The following PDE4D variants were observed in gnomAD, a reference collection of about 807,000 sequenced individuals.
The protein encoded by PDE4D is phosphodiesterase 4D, also known as 3',5'-cyclic-AMP phosphodiesterase 4D.
A neutral mutation model predicts 87.4 loss-of-function variants in PDE4D; 24 were observed. That is an observed-to-expected ratio of 0.27 (90% confidence interval 0.20 to 0.39). The LOEUF is 0.39. Among genes scored for constraint, PDE4D ranks in the 10% least tolerant of loss-of-function variants. The pLI, the probability that PDE4D is intolerant of heterozygous loss-of-function variation, is 1.00. For synonymous variants in PDE4D, 384 were observed against 383.2 expected (o/e 1.00, Z -0.02); for missense variants, 714 against 1,041.0 (o/e 0.69, Z 4.32).
intron 1 of PDE4D, among the ~76,000 whole-genome samples, chr5:59,253,328 AT>A (rs1290699639): frequency 6.6e-6 from 1 of 152,194 alleles, no homozygotes; most frequent in East Asian, 1.9e-4. Flanking sequence ...ATATCTTTAT[AT>A]ATAAACAAAA....
intron 6 of PDE4D, among the ~76,000 whole-genome samples, chr5:59,031,181 A>G (rs1347654936): frequency 6.6e-6 from 1 of 151,974 alleles, no homozygotes; most frequent in Non-Finnish European, 1.5e-5. Flanking sequence ...AGGTTCCTCA[A>G]AAATCTAAAA....
At chr5:59,073,435 CA>C (rs1388206905) in intron 5 of PDE4D, among the ~76,000 whole-genome samples, 2 of 121,782 alleles carry the variant, frequency 1.6e-5, no homozygotes, top group Non-Finnish European at 3.1e-5. Context: ...ATGGCAGGTA[CA>C]AAAATGTGTA....
chr5:59,602,355 C>T (rs893608511), intron 1 of PDE4D, among the ~76,000 whole-genome samples: 1 of 151,906 alleles, frequency 6.6e-6, no homozygotes, highest in Admixed American at 6.6e-5. Context: ...CTTTAAGATC[C>T]AGAGCAAGAA....
chr5:59,287,817 T>A (rs2153553468), intron 1 of PDE4D, among the ~76,000 whole-genome samples: 1 of 152,218 alleles, frequency 6.6e-6, no homozygotes, highest in Non-Finnish European at 1.5e-5. Flanking sequence ...AGTCTCTGCC[T>A]GGTAATCCAG....
chr5:59,440,777 G>GA (rs921404634), intron 1 of PDE4D, among the ~76,000 whole-genome samples: 27 of 149,818 alleles, frequency 1.8e-4, no homozygotes, highest in Non-Finnish European at 3.1e-4. Flanking sequence ...ACTCCATCTT[G>GA]AAAAAAAAAA....
intron 1 of PDE4D, among the ~76,000 whole-genome samples, chr5:60,330,460 C>A (rs915847960): frequency 2.0e-5 from 3 of 152,148 alleles, no homozygotes; most frequent in African/African-American, 7.2e-5. Flanking sequence ...TTTCTGCCAA[C>A]AGCAGAGAAT....
chr5:60,114,624 T>C (rs1777973809), intron 2 of PDE4D, among the ~76,000 whole-genome samples: 1 of 152,060 alleles, frequency 6.6e-6, no homozygotes, highest in African/African-American at 2.4e-5. Context: ...AAATGATTCA[T>C]TCCACAAGTT....
chr5:59,258,276 C>T (rs1468566828), intron 1 of PDE4D, among the ~76,000 whole-genome samples: 19 of 151,930 alleles, frequency 1.3e-4, no homozygotes, highest in Admixed American at 1.3e-3. Flanking sequence ...CAGACACAGA[C>T]ACACACCCAT....
At chr5:58,993,818 G>A (rs1161697013) in intron 6 of PDE4D, among the ~76,000 whole-genome samples, 2 of 152,270 alleles carry the variant, frequency 1.3e-5, no homozygotes, top group Middle Eastern at 3.4e-3. Context: ...CCCAAGGGCT[G>A]AAGGGAAAAT....
chr5:59,707,578 G>C (rs1447285042), intron 1 of PDE4D, among the ~76,000 whole-genome samples: 1 of 152,068 alleles, frequency 6.6e-6, no homozygotes, highest in Admixed American at 6.6e-5. Context: ...GTAGATGTGT[G>C]CCACAGTGGT....
At chr5:60,403,869 T>C (rs1001994824) in intron 1 of PDE4D, among the ~76,000 whole-genome samples, 2 of 152,242 alleles carry the variant, frequency 1.3e-5, no homozygotes, top group Non-Finnish European at 1.5e-5. Flanking sequence ...GCTTGGCATA[T>C]AGTAAATGCC....
intron 1 of PDE4D, among the ~76,000 whole-genome samples, chr5:59,765,941 C>G (rs1483992029): frequency 6.6e-6 from 1 of 152,096 alleles, no homozygotes; most frequent in African/African-American, 2.4e-5. Flanking sequence ...TAATTAGGTA[C>G]AGAATAAACA....
intron 3 of PDE4D, among the ~76,000 whole-genome samples, chr5:59,908,387 G>A (rs560107877): frequency 4.6e-5 from 7 of 152,166 alleles, no homozygotes; most frequent in African/African-American, 9.6e-5. Context: ...TACGGCTTCC[G>A]AAAACAAGTG....
At chr5:59,763,374 G>A (rs907610661) in intron 1 of PDE4D, among the ~76,000 whole-genome samples, 2 of 151,666 alleles carry the variant, frequency 1.3e-5, no homozygotes, top group African/African-American at 4.9e-5. Context: ...ATATATAGAT[G>A]TGTATTATAA....
At chr5:59,978,455 G>A (rs1180570938) in intron 3 of PDE4D, among the ~76,000 whole-genome samples, 3 of 152,170 alleles carry the variant, frequency 2.0e-5, no homozygotes, top group African/African-American at 7.2e-5. Flanking sequence ...AATGGAACCT[G>A]AAGTTGTAAT....
intron 6 of PDE4D, among the ~76,000 whole-genome samples, chr5:59,014,391 G>GAAA (rs1382591094): frequency 1.3e-5 from 2 of 152,114 alleles, no homozygotes; most frequent in African/African-American, 4.8e-5. Context: ...TATATATTTA[G>GAAA]AAAACCCCAT....
chr5:59,843,834 T>A (rs1435692979), intron 1 of PDE4D, among the ~76,000 whole-genome samples: 4 of 152,108 alleles, frequency 2.6e-5, no homozygotes, highest in Non-Finnish European at 5.9e-5. Context: ...TCAGCCTACT[T>A]GCTTGCATGC....
At chr5:59,131,981 T>C (rs1045960958) in intron 5 of PDE4D, among the ~76,000 whole-genome samples, 1 of 152,122 alleles carries the variant, frequency 6.6e-6, no homozygotes, top group Non-Finnish European at 1.5e-5. Flanking sequence ...AATCCTTCCT[T>C]CTTTCGGGTC....
intron 1 of PDE4D, among the ~76,000 whole-genome samples, chr5:60,317,563 C>T (rs1215547157): frequency 6.6e-6 from 1 of 152,140 alleles, no homozygotes; most frequent in Non-Finnish European, 1.5e-5. Flanking sequence ...TTCTCTAGTT[C>T]TTTTAATTGT....
Sources: gnomAD v4.1 joint callset for allele counts (sites outside exome capture counted in the v4.1 genomes callset) on GRCh38, gnomAD v4.1.1 for gene constraint, MANE v1.5 for transcripts, NCBI Gene and HGNC (gene_info 2026-07-23, HGNC 2026-07-21) for gene names.